LRP1B: variants seen among roughly 807,000 people sequenced by gnomAD.
LRP1B encodes low-density lipoprotein receptor-related protein 1B.
LRP1B carries 217 observed loss-of-function variants against 556.6 expected under a neutral mutation model. That is an observed-to-expected ratio of 0.39 (90% CI 0.35 to 0.44). The LOEUF (loss-of-function observed/expected upper bound fraction) is 0.44. LRP1B is among the 20% of genes least tolerant of loss of function. The pLI is 1.00. For missense variants in LRP1B, 5,053 were observed against 5,620.8 expected (o/e 0.90, Z 3.23); for synonymous variants, 2,047 against 1,865.8 (o/e 1.10, Z -2.50).
At chr2:140,452,116 G>A (rs1311210354) in intron 62 of LRP1B, among the ~76,000 whole-genome samples, 1 of 152,112 alleles carries the variant, frequency 6.6e-6, no homozygotes, top group African/African-American at 2.4e-5. Flanking sequence ...ACTACAGGAA[G>A]TTATTATTGC....
intron 37 of LRP1B, among the ~76,000 whole-genome samples, chr2:140,709,092 T>G (rs968202954): frequency 6.6e-6 from 1 of 152,068 alleles, no homozygotes; most frequent in African/African-American, 2.4e-5. Context: ...AAAGACCTTT[T>G]GAAACAGCAA....
chr2:141,991,577 T>C (rs1702346175), intron 1 of LRP1B, among the ~76,000 whole-genome samples: 1 of 152,054 alleles, frequency 6.6e-6, no homozygotes, highest in African/African-American at 2.4e-5. Context: ...AAAATTGCAC[T>C]CCTTATTTAA....
At chr2:140,387,569 A>AT (rs1683813660) in intron 66 of LRP1B, among the ~76,000 whole-genome samples, 1 of 138,410 alleles carries the variant, frequency 7.2e-6, no homozygotes, top group Non-Finnish European at 1.6e-5. Context: ...TTTCAAATGC[A>AT]TTTTTCTATT....
chr2:140,758,693 T>C (rs548690498), intron 35 of LRP1B, among the ~76,000 whole-genome samples: 6 of 152,176 alleles, frequency 3.9e-5, no homozygotes, highest in Admixed American at 3.3e-4. Context: ...GTATCCTTTA[T>C]TGTTATCAGT....
chr2:140,996,343 G>A (rs547034944), intron 15 of LRP1B, among the ~76,000 whole-genome samples: 11 of 151,920 alleles, frequency 7.2e-5, no homozygotes, highest in Non-Finnish European at 1.3e-4. Flanking sequence ...AGGCTAGCTA[G>A]CAATATCTAT....
At chr2:141,999,471 A>T (rs1702594683) in intron 1 of LRP1B, among the ~76,000 whole-genome samples, 1 of 152,168 alleles carries the variant, frequency 6.6e-6, no homozygotes, top group South Asian at 2.1e-4. Flanking sequence ...AAAAGTTTGA[A>T]GATTTGAAAA....
intron 1 of LRP1B, among the ~76,000 whole-genome samples, chr2:142,117,035 C>T (rs180879367): frequency 6.6e-6 from 1 of 152,068 alleles, no homozygotes. Context: ...CCACATTTCA[C>T]TAACAATGTG....
At chr2:141,375,370 T>C (rs1689389287) in intron 3 of LRP1B, among the ~76,000 whole-genome samples, 1 of 152,058 alleles carries the variant, frequency 6.6e-6, no homozygotes, top group African/African-American at 2.4e-5. Flanking sequence ...AGATGGCATG[T>C]TTGGAAGCTA....
At chr2:140,706,915 A>G (rs1686859221) in intron 37 of LRP1B, among the ~76,000 whole-genome samples, 1 of 152,108 alleles carries the variant, frequency 6.6e-6, no homozygotes, top group Admixed American at 6.6e-5. Context: ...TAAATTTGAG[A>G]CAGCTAACAT....
chr2:140,520,270 C>A (rs1259506180), intron 49 of LRP1B, among the ~76,000 whole-genome samples: 4 of 152,104 alleles, frequency 2.6e-5, no homozygotes, highest in Admixed American at 2.0e-4. Flanking sequence ...GAATACTATG[C>A]AACCATAGAA....
intron 41 of LRP1B, among the ~76,000 whole-genome samples, chr2:140,628,793 G>T (rs1683772379): frequency 6.6e-6 from 1 of 152,100 alleles, no homozygotes. Context: ...GAGGTGATTG[G>T]ATCATGGAGG....
intron 7 of LRP1B, among the ~76,000 whole-genome samples, chr2:141,108,258 A>C (rs1700656566): frequency 6.6e-6 from 1 of 151,824 alleles, no homozygotes; most frequent in Non-Finnish European, 1.5e-5. Flanking sequence ...TCTTTAAACA[A>C]GTAATGGTAC....
chr2:141,898,760 A>G (rs1335277972), intron 1 of LRP1B, among the ~76,000 whole-genome samples: 2 of 152,130 alleles, frequency 1.3e-5, no homozygotes, highest in Non-Finnish European at 2.9e-5. Flanking sequence ...CATCCTTATT[A>G]TCAGGAGATA....
chr2:140,701,626 C>T (rs1488040981), intron 40 of LRP1B, 95 bp downstream of exon 40: 9 of 1,249,010 alleles, frequency 7.2e-6, no homozygotes, highest in Admixed American at 2.2e-5. Flanking sequence ...AGGTTTTAGA[C>T]TTATAGAAGA....
intron 49 of LRP1B, among the ~76,000 whole-genome samples, chr2:140,521,073 C>G (rs542124527): frequency 2.5e-4 from 38 of 151,834 alleles, no homozygotes; most frequent in Middle Eastern, 3.4e-3. Context: ...AAATCTATGA[C>G]TTATTGAGAT....
chr2:140,880,900 T>C (rs959989864), intron 25 of LRP1B, among the ~76,000 whole-genome samples: 3 of 152,128 alleles, frequency 2.0e-5, no homozygotes, highest in Non-Finnish European at 4.4e-5. Context: ...TAACATTTAC[T>C]TAGCACAAGT....
chr2:141,323,938 C>T (rs1687339180), intron 3 of LRP1B, among the ~76,000 whole-genome samples: 1 of 144,264 alleles, frequency 6.9e-6, no homozygotes, highest in African/African-American at 2.6e-5. Flanking sequence ...CACACACACA[C>T]ATCTGAACAA....
At chr2:141,821,533 C>T (rs981394505) in intron 1 of LRP1B, among the ~76,000 whole-genome samples, 5 of 152,038 alleles carry the variant, frequency 3.3e-5, no homozygotes, top group African/African-American at 4.8e-5. Flanking sequence ...TTATGAAAAA[C>T]CTTATAAATT....
intron 43 of LRP1B, among the ~76,000 whole-genome samples, chr2:140,590,556 TTCTCTCTCTC>T (rs56276353): frequency 2.7e-4 from 40 of 147,426 alleles, no homozygotes; most frequent in African/African-American, 6.5e-4. Context: ...CTAGATCTCT[TTCTCTCTCTC>T]TCTCTCTCTC....
Sources: allele counts gnomAD v4.1 joint callset (sites outside exome capture counted in the v4.1 genomes callset), GRCh38; gene constraint gnomAD v4.1.1; transcripts MANE v1.5; gene names NCBI Gene and HGNC (gene_info 2026-07-23, HGNC 2026-07-21).